Variants in CCDC7 observed in about 807,000 individuals in gnomAD.
CCDC7 encodes coiled-coil domain containing 7.
In CCDC7, 183 loss-of-function variants were observed where a neutral mutation model predicts 196.9. That is an observed-to-expected ratio of 0.93 (90% CI 0.82 to 1.05). The LOEUF is 1.05. Ranked by LOEUF, CCDC7 falls within the 50% of genes least tolerant of loss-of-function variation. The pLI, the probability that CCDC7 is intolerant of heterozygous loss-of-function variation, is 0.00. For missense variants in CCDC7, 1,540 were observed against 1,482.2 expected (o/e 1.04, Z -0.64); for synonymous variants, 525 against 484.6 (o/e 1.08, Z -1.10).
At chr10:32,671,215 A>G (rs2073999494) in intron 21 of CCDC7, among the ~76,000 whole-genome samples, 1 of 152,172 alleles carries the variant, frequency 6.6e-6, no homozygotes, top group Non-Finnish European at 1.5e-5. Flanking sequence ...TAGTTCTGCA[A>G]GCTACCTTGA....
At chr10:32,764,938 T>C (rs1228562569) in intron 28 of CCDC7, among the ~76,000 whole-genome samples, 1 of 152,092 alleles carries the variant, frequency 6.6e-6, no homozygotes, top group African/African-American at 2.4e-5. Flanking sequence ...ACTTGAGATA[T>C]CTATGGCATT....
At chr10:32,635,061 T>C (rs1178103067) in exon 20 of CCDC7, 3 of 398,648 alleles carry the variant, frequency 7.5e-6, no homozygotes, top group Admixed American at 4.4e-5. Flanking sequence ...GTTCAGAGAC[T>C]CTTACAACCC....
At chr10:32,562,499 A>T (rs1473867351) in intron 13 of CCDC7, among the ~76,000 whole-genome samples, 5 of 152,228 alleles carry the variant, frequency 3.3e-5, no homozygotes, top group South Asian at 2.1e-4. Flanking sequence ...GGTTCAATAT[A>T]TGCAAATCAA....
chr10:32,836,806 C>T (rs1309755175), intron 33 of CCDC7, among the ~76,000 whole-genome samples: 1 of 151,996 alleles, frequency 6.6e-6, no homozygotes, highest in Admixed American at 6.6e-5. Context: ...GCAAAGACTA[C>T]AAAGCAGTTA....
chr10:32,522,790 C>T (rs558550520), intron 11 of CCDC7, among the ~76,000 whole-genome samples: 2 of 152,104 alleles, frequency 1.3e-5, no homozygotes, highest in South Asian at 4.2e-4. Context: ...TTGATGCAGG[C>T]ACTTGTAGCT....
chr10:32,838,628 AAAG>A (rs1215433716), intron 33 of CCDC7, among the ~76,000 whole-genome samples: 1 of 152,062 alleles, frequency 6.6e-6, no homozygotes, highest in East Asian at 1.9e-4. Flanking sequence ...CAAGAAGCTC[AAAG>A]AACACCTGGG....
At chr10:32,625,886 T>C (rs995880013) in intron 18 of CCDC7, among the ~76,000 whole-genome samples, 1 of 152,048 alleles carries the variant, frequency 6.6e-6, no homozygotes, top group East Asian at 1.9e-4. Flanking sequence ...ATCCATGTCA[T>C]TGCAAGTGAC....
chr10:32,592,135 T>C (rs2059837186), intron 18 of CCDC7, among the ~76,000 whole-genome samples: 1 of 152,198 alleles, frequency 6.6e-6, no homozygotes, highest in African/African-American at 2.4e-5. Flanking sequence ...TAATCCAATT[T>C]TTGTTTTACA....
intron 30 of CCDC7, among the ~76,000 whole-genome samples, chr10:32,807,079 A>G (rs1387625901): frequency 1.3e-5 from 2 of 152,184 alleles, no homozygotes; most frequent in Non-Finnish European, 2.9e-5. Context: ...ACTTTTTTAA[A>G]TTAGAAAATT....
At chr10:32,583,276 T>G (rs2137505629) in exon 17 of CCDC7, 1 of 1,231,362 alleles carries the variant, frequency 8.1e-7, no homozygotes, top group East Asian at 3.2e-5. Context: ...TCACCATTCA[T>G]TTTACCTCCT....
At chr10:32,522,345 C>T (rs1031019003) in intron 11 of CCDC7, among the ~76,000 whole-genome samples, 3 of 151,940 alleles carry the variant, frequency 2.0e-5, no homozygotes, top group South Asian at 4.1e-4. Flanking sequence ...GCTTTGATCT[C>T]GTTACTTTTT....
intron 15 of CCDC7, among the ~76,000 whole-genome samples, chr10:32,568,711 A>T (rs2057199915): frequency 6.6e-6 from 1 of 152,202 alleles, no homozygotes; most frequent in East Asian, 1.9e-4. Flanking sequence ...ATTATTATAA[A>T]ATCTGCTAGT....
chr10:32,501,834 GA>G (rs1272110464), intron 9 of CCDC7, among the ~76,000 whole-genome samples: 1 of 152,208 alleles, frequency 6.6e-6, no homozygotes, highest in Non-Finnish European at 1.5e-5. Flanking sequence ...ACCCACTTGA[GA>G]AGGCAGTCTG....
chr10:32,809,195 A>G (rs964935412), intron 30 of CCDC7, among the ~76,000 whole-genome samples: 6 of 152,220 alleles, frequency 3.9e-5, no homozygotes, highest in African/African-American at 1.4e-4. Flanking sequence ...TGACACCTCA[A>G]AAAGAACACA....
At chr10:32,462,892 C>T in intron 4 of CCDC7, 125 bp from the exon 6 acceptor site, 1 of 1,437,354 alleles carries the variant, frequency 7.0e-7, no homozygotes, top group Admixed American at 2.2e-5. Context: ...ATGTTTCGGT[C>T]AGGGCTGATA....
chr10:32,549,163 A>G (rs986052036), intron 13 of CCDC7, among the ~76,000 whole-genome samples: 3 of 152,094 alleles, frequency 2.0e-5, no homozygotes, highest in Non-Finnish European at 4.4e-5. Flanking sequence ...CTGATCATTC[A>G]TGATGTTGAG....
chr10:32,503,114 C>T (rs959247387), intron 9 of CCDC7, among the ~76,000 whole-genome samples: 7 of 152,034 alleles, frequency 4.6e-5, no homozygotes, highest in African/African-American at 1.7e-4. Context: ...TTTACTTATT[C>T]TTTTTCTATT....
At chr10:32,752,044 G>C (rs927810582) in intron 28 of CCDC7, among the ~76,000 whole-genome samples, 2 of 152,018 alleles carry the variant, frequency 1.3e-5, no homozygotes, top group Non-Finnish European at 2.9e-5. Flanking sequence ...TGCTATACTT[G>C]GAGGCTCAAC....
chr10:32,825,513 C>G (rs115284376), intron 32 of CCDC7, among the ~76,000 whole-genome samples: 4,276 of 152,272 alleles, frequency 0.028, 217 homozygotes, highest in African/African-American at 0.097. Context: ...AAACTCCCAT[C>G]TATATCATCT....
Sources: gnomAD v4.1 joint callset for allele counts (sites outside exome capture counted in the v4.1 genomes callset) on GRCh38, gnomAD v4.1.1 for gene constraint, MANE v1.5 for transcripts, NCBI Gene and HGNC (gene_info 2026-07-23, HGNC 2026-07-21) for gene names.